RHNO1: variants seen among roughly 807,000 people sequenced by gnomAD.
The protein encoded by RHNO1 is RAD9, HUS1, RAD1-interacting nuclear orphan protein 1.
In RHNO1, 9 loss-of-function variants were observed where a neutral mutation model predicts 7.2. The ratio of observed to expected loss-of-function variants is 1.25; its 90% confidence interval spans 0.75 to 2.18. RHNO1 has a LOEUF of 2.18. Ranked by LOEUF, RHNO1 falls within the 30% of genes most tolerant of loss-of-function variation. The probability of loss-of-function intolerance (pLI) is 0.00; values close to 1 mark genes in which losing one functional copy is unlikely to be tolerated. For synonymous variants in RHNO1, 95 were observed against 107.5 expected, an observed-to-expected ratio of 0.88 and a Z score of 0.72; for missense variants, 292 against 284.5, an observed-to-expected ratio of 1.03 and a Z score of -0.19.
chr12:2,876,515 G>C (rs1384079234), upstream of RHNO1: 1 of 152,460 alleles, frequency 6.6e-6, no homozygotes. Flanking sequence ...CCTGCAAAAG[G>C]GTAAGTAAGA....
Position 2,878,894 on chromosome 12 carries a change from C to T in RHNO1, c.-85+1612C>T, listed in dbSNP as rs1262737987. Among the ~76,000 whole-genome samples the T allele has an allele frequency of 2.6e-5, 4 of 151,668 alleles. 1 individual carries two copies. The highest frequency in any genetic ancestry group is 2.4e-5 in the African/African-American group (1 of 41,168). Reference sequence around the variant, plus strand: ...GAAGATAATCACTTTGGCCAAGGGACGGGCGGGGGGTTGTCAGGGGAATGA... The same window carrying T: ...GAAGATAATCACTTTGGCCAAGGGATGGGCGGGGGGTTGTCAGGGGAATGA... On this transcript the variant is annotated intron_variant, in intron 1 of 2. Coordinates refer to ENST00000489288, the MANE Select transcript of RHNO1 (RefSeq NM_001252499.3).
chr12:2,885,098 AC>A, intron 1 of RHNO1, 184 bp from the exon 2 acceptor site: 1 of 395,552 alleles, frequency 2.5e-6, no homozygotes. Context: ...CTTAGCACAT[AC>A]TCAATAAATG....
chr12:2,883,818 A>G (rs1178208229), intron 1 of RHNO1, among the ~76,000 whole-genome samples: 1 of 151,510 alleles, frequency 6.6e-6, no homozygotes, highest in African/African-American at 2.4e-5. Flanking sequence ...GCCCGGCCAA[A>G]TATATTTTCT....
intron 1 of RHNO1, among the ~76,000 whole-genome samples, chr12:2,883,863 G>A (rs1014007976): frequency 1.3e-5 from 2 of 151,848 alleles, no homozygotes; most frequent in Admixed American, 6.6e-5. Context: ...AGTGGCTAGG[G>A]GTGTAGATGG....
In RHNO1 at chr12:2,889,502, TA is replaced by T. The variant is rs1271344408; in HGVS notation, c.*1046del. 6.6e-6 allele frequency: 1 copy of T among 152,168 alleles called. No individual in the cohort carries two copies. Among genetic ancestry groups the T allele is most frequent in the Admixed American group, 6.6e-5 (1 of 15,260 alleles). 9.4% of individuals were successfully genotyped at this position (152,168 alleles called of 1,614,324 possible). On this transcript the variant is annotated 3_prime_UTR_variant, in exon 3 of 3. Transcript: ENST00000489288. ...TTTACTCAGACAAGTAGCATCTCAT[TA>T]AACCCATTCATTTAGCATTCATTCA...
chr12:2,884,727 A>G (rs779829334), intron 1 of RHNO1, among the ~76,000 whole-genome samples: 70 of 151,540 alleles, frequency 4.6e-4, no homozygotes, highest in Non-Finnish European at 9.3e-4. Context: ...CTTGCCATTT[A>G]TCTTCTCATA....
At chr12:2,887,592 G>A (rs2098167132) in intron 2 of RHNO1, among the ~76,000 whole-genome samples, 1 of 152,084 alleles carries the variant, frequency 6.6e-6, no homozygotes, top group South Asian at 2.1e-4. Flanking sequence ...AGGTTGCAAT[G>A]AGCCGAGATG....
intron 1 of RHNO1, among the ~76,000 whole-genome samples, chr12:2,882,982 G>A (rs550205332): frequency 1.3e-5 from 2 of 150,516 alleles, no homozygotes; most frequent in East Asian, 3.9e-4. Flanking sequence ...TGGGAGGATT[G>A]CTTGGGCTTT....
rs1274171494 is a variant in RHNO1, at chr12:2,879,413, G to C, written c.-85+2131G>C. Among the ~76,000 whole-genome samples, 4 of 151,078 alleles carry C rather than the reference G, an allele frequency of 2.6e-5. 1 individual carries two copies. The highest frequency in any genetic ancestry group is 9.8e-5 in the African/African-American group (4 of 40,952). On this transcript the variant is annotated intron_variant, in intron 1 of 2. Transcript: ENST00000489288. The stretch of plus-strand genomic sequence containing the variant: ...AGTGGCACGATCTCGGCTCACTGCA[G>C]CCTCCACCTCCTGGGCTCAAGTGAT...
intron 2 of RHNO1, 67 bp from the exon 3 acceptor site, chr12:2,887,844 C>G (rs1341950633): frequency 3.1e-6 from 4 of 1,293,818 alleles, no homozygotes; most frequent in Non-Finnish European, 4.2e-6. Context: ...GTCTGGTCAT[C>G]AGATACAGTT....
rs969016969 is a variant in RHNO1, at chr12:2,889,505, A to G, written c.*1046A>G. On this transcript the variant is annotated 3_prime_UTR_variant, in exon 3 of 3. Transcript: ENST00000489288. ...ACTCAGACAAGTAGCATCTCATTAA[A>G]CCCATTCATTTAGCATTCATTCAGC... 1 of 152,100 alleles carries G rather than the reference A, an allele frequency of 6.6e-6. No homozygotes were observed. Among genetic ancestry groups the G allele is most frequent in the Non-Finnish European group, 1.5e-5 (1 of 68,022 alleles). The allele number at this position is 152,100 out of a possible 1,614,324, so 9.4% of individuals were successfully genotyped here.
chr12:2,882,154 G>T (rs1013434220), intron 1 of RHNO1, among the ~76,000 whole-genome samples: 1 of 151,148 alleles, frequency 6.6e-6, no homozygotes, highest in African/African-American at 2.4e-5. Context: ...TATTAAAGTT[G>T]ATCTGGGCCA....
At chr12:2,883,075 A>AAAACAAAACAAAAC (rs1555108311) in intron 1 of RHNO1, among the ~76,000 whole-genome samples, 10 of 134,504 alleles carry the variant, frequency 7.4e-5, no homozygotes, top group African/African-American at 2.9e-4. Context: ...TCAAAAAAAA[A>AAAACAAAACAAAAC]AAAAAAAAAA....
Position 2,887,972 on chromosome 12 carries a change from A to G in RHNO1, c.230A>G (p.Asn77Ser), listed in dbSNP as rs2153946304. 6.2e-7 allele frequency: 1 copy of G among 1,613,106 alleles called. No individual in the cohort carries two copies. Among genetic ancestry groups the G allele is most frequent in the East Asian group, 2.2e-5 (1 of 44,822 alleles). The change falls in exon 3 of 3, where the codon AAC becomes AGC. Residue 77 changes from asparagine (N) to serine (S), a missense_variant. Transcript: ENST00000489288. The part of the protein sequence containing the change: ...SLFPAYQKHQ[N>S]RARHSSRKPT... The stretch of plus-strand genomic sequence containing the variant: ...TTCCCAGCCTACCAGAAACACCAAA[A>G]CCGGGCGAGACACTCAAGTCGAAAA...
At chr12:2,883,589 C>T (rs2098161822) in intron 1 of RHNO1, among the ~76,000 whole-genome samples, 1 of 142,438 alleles carries the variant, frequency 7.0e-6, no homozygotes, top group Non-Finnish European at 1.5e-5. Context: ...GTGATCTCTG[C>T]TCACCGCAAC....
chr12:2,883,245 C>T (rs1044384473), intron 1 of RHNO1, among the ~76,000 whole-genome samples: 1 of 150,094 alleles, frequency 6.7e-6, no homozygotes, highest in African/African-American at 2.4e-5. Context: ...AGCGCTGTGG[C>T]ACGAGCTGTA....
chr12:2,887,478 CAAAAA>C (rs11310263), intron 2 of RHNO1, among the ~76,000 whole-genome samples: 6 of 89,084 alleles, frequency 6.7e-5, no homozygotes, highest in African/African-American at 8.4e-5. Context: ...ACTCTGTCTC[CAAAAA>C]AAAAAAAAAA....
At position 2,888,511 on chromosome 12, in the gene RHNO1, G is replaced by A. The variant is rs761009314; in HGVS notation, c.*52G>A. Reference sequence around the variant, plus strand: ...GAGATATGTTTTCTGGAGTCATAAAGGAATTCAATTCCTAGGGTTTTTGTT... The same window carrying A: ...GAGATATGTTTTCTGGAGTCATAAAAGAATTCAATTCCTAGGGTTTTTGTT... On this transcript the variant is annotated 3_prime_UTR_variant, in exon 3 of 3. Coordinates refer to ENST00000489288, the MANE Select transcript of RHNO1 (RefSeq NM_001252499.3). 21 of 1,463,808 alleles carry A rather than the reference G, an allele frequency of 1.4e-5. No homozygotes were observed. Among genetic ancestry groups the A allele is most frequent in the Middle Eastern group, 3.8e-4 (2 of 5,278 alleles). 90.7% of individuals were successfully genotyped at this position (1,463,808 alleles called of 1,614,324 possible). A position where few individuals can be genotyped will look rare whatever the true frequency, so the allele number is the denominator to read the frequency against.
intron 1 of RHNO1, among the ~76,000 whole-genome samples, chr12:2,883,952 A>G (rs1457054125): frequency 2.0e-5 from 3 of 152,096 alleles, no homozygotes; most frequent in African/African-American, 7.3e-5. Flanking sequence ...AGTCTACTTT[A>G]GTATATATTT....
Sources: allele counts gnomAD v4.1 joint callset (sites outside exome capture counted in the v4.1 genomes callset), GRCh38; gene constraint gnomAD v4.1.1; transcripts MANE v1.5; gene names NCBI Gene and HGNC (gene_info 2026-07-23, HGNC 2026-07-21).